SKIC3: variants seen among roughly 807,000 people sequenced by gnomAD.
SKIC3 encodes the protein superkiller complex protein 3.
the SKIC3 span, among the ~76,000 whole-genome samples, chr5:95,465,182 G>A: frequency 6.6e-6 from 1 of 151,884 alleles, no homozygotes; most frequent in Admixed American, 6.6e-5. Flanking sequence ...TGCTGGCCTT[G>A]GTCTCCCAAA....
At chr5:95,546,161 T>A in the SKIC3 span, among the ~76,000 whole-genome samples, 4 of 151,950 alleles carry the variant, frequency 2.6e-5, no homozygotes, top group Admixed American at 2.0e-4. Flanking sequence ...CTTCTTTCTC[T>A]CCATCCATAC....
chr5:95,553,848 C>T, the SKIC3 span, among the ~76,000 whole-genome samples: 1 of 152,246 alleles, frequency 6.6e-6, no homozygotes, highest in African/African-American at 2.4e-5. Flanking sequence ...CGTGAGCCAC[C>T]GCGCCCAACA....
the SKIC3 span, among the ~76,000 whole-genome samples, chr5:95,534,321 T>G: frequency 6.6e-5 from 10 of 152,142 alleles, no homozygotes; most frequent in African/African-American, 2.4e-4. Flanking sequence ...CTATCTCACC[T>G]ACTAACTATT....
chr5:95,529,531 C>T, the SKIC3 span, among the ~76,000 whole-genome samples: 2 of 152,312 alleles, frequency 1.3e-5, no homozygotes, highest in South Asian at 4.1e-4. Context: ...ACTTCATTCT[C>T]AAACCCTGGT....
the SKIC3 span, among the ~76,000 whole-genome samples, chr5:95,518,906 C>T: frequency 2.2e-4 from 34 of 151,976 alleles, no homozygotes; most frequent in South Asian, 6.4e-3. Context: ...ACAGTGGCTA[C>T]ACTAGTTTGC....
chr5:95,521,468 T>C, the SKIC3 span: 2 of 152,202 alleles, frequency 1.3e-5, no homozygotes, highest in East Asian at 1.9e-4. Flanking sequence ...AAAGCATTCC[T>C]TAAGAAAAAC....
At chr5:95,536,006 G>T in the SKIC3 span, among the ~76,000 whole-genome samples, 3 of 151,982 alleles carry the variant, frequency 2.0e-5, no homozygotes, top group African/African-American at 7.2e-5. Context: ...AATCTATTCA[G>T]CACAGATACT....
chr5:95,517,207 GA>G, the SKIC3 span: 1 of 1,613,244 alleles, frequency 6.2e-7, no homozygotes, highest in Non-Finnish European at 8.5e-7. Flanking sequence ...TTCTGACCTA[GA>G]AGGACTCCTA....
At chr5:95,514,896 G>T in the SKIC3 span, 2 of 1,612,458 alleles carry the variant, frequency 1.2e-6, no homozygotes, top group South Asian at 2.2e-5. Context: ...TCAAGGGATT[G>T]AGCCATTTTG....
chr5:95,488,545 G>T, the SKIC3 span, among the ~76,000 whole-genome samples: 2 of 152,044 alleles, frequency 1.3e-5, no homozygotes, highest in Non-Finnish European at 2.9e-5. Context: ...CTGCTGAAAA[G>T]AAAAAAACTG....
the SKIC3 span, chr5:95,494,871 T>C: frequency 1.3e-6 from 2 of 1,589,856 alleles, no homozygotes; most frequent in Admixed American, 1.7e-5. Flanking sequence ...CTCTATTTGA[T>C]ATGACATAAT....
chr5:95,498,289 T>C, the SKIC3 span: 2 of 1,413,318 alleles, frequency 1.4e-6, no homozygotes, highest in Non-Finnish European at 2.0e-6. Context: ...TACCTTATTT[T>C]ATAGTATTAA....
chr5:95,539,192 T>A, the SKIC3 span, among the ~76,000 whole-genome samples: 1 of 152,158 alleles, frequency 6.6e-6, no homozygotes, highest in Non-Finnish European at 1.5e-5. Flanking sequence ...AATGTCCTAT[T>A]TCCAATGTAA....
At chr5:95,526,831 T>G in the SKIC3 span, among the ~76,000 whole-genome samples, 1,397 of 152,288 alleles carry the variant, frequency 9.2e-3, 20 homozygotes, top group African/African-American at 0.032. Flanking sequence ...CACTGGGGAT[T>G]GCAAAATGGT....
chr5:95,529,285 G>A, the SKIC3 span: 39 of 662,450 alleles, frequency 5.9e-5, no homozygotes, highest in South Asian at 3.9e-4. Flanking sequence ...CCATCTCCAC[G>A]TCAGTTCAGA....
At chr5:95,467,808 T>C in the SKIC3 span, 1 of 1,606,126 alleles carries the variant, frequency 6.2e-7, no homozygotes, top group Non-Finnish European at 8.5e-7. Flanking sequence ...AGATCAAAGA[T>C]AAAACATTTT....
chr5:95,524,667 T>G, the SKIC3 span: 9 of 1,572,906 alleles, frequency 5.7e-6, no homozygotes, highest in African/African-American at 1.4e-5. Flanking sequence ...AGGAGACTCC[T>G]AGTTGGAACA....
chr5:95,545,428 A>G, the SKIC3 span, among the ~76,000 whole-genome samples: 1 of 151,982 alleles, frequency 6.6e-6, no homozygotes, highest in African/African-American at 2.4e-5. Flanking sequence ...GTCTTGCCCA[A>G]TTCCCTCCCT....
chr5:95,541,979 AAAT>A, the SKIC3 span: 1 of 896,168 alleles, frequency 1.1e-6, no homozygotes, highest in Non-Finnish European at 1.8e-6. Flanking sequence ...TTATTTTGCT[AAAT>A]AATATGATAA....
Sources: gnomAD v4.1 joint callset for allele counts (sites outside exome capture counted in the v4.1 genomes callset) on GRCh38, gnomAD v4.1.1 for gene constraint, MANE v1.5 for transcripts, NCBI Gene and HGNC (gene_info 2026-07-23, HGNC 2026-07-21) for gene names.